The following KCNQ1 variants were observed in gnomAD, a reference collection of about 807,000 sequenced individuals.
The protein encoded by KCNQ1 is potassium voltage-gated channel subfamily Q member 1.
A neutral mutation model predicts 72.4 loss-of-function variants in KCNQ1; 49 were observed. The ratio of observed to expected loss-of-function variants is 0.68; its 90% CI spans 0.54 to 0.86. The LOEUF (loss-of-function observed/expected upper bound fraction) is 0.86. Ranked by LOEUF, KCNQ1 falls within the 40% of genes least tolerant of loss-of-function variation. The probability of loss-of-function intolerance (pLI) is 0.00; values close to 1 mark genes in which losing one functional copy is unlikely to be tolerated. For missense variants in KCNQ1, 790 were observed against 945.1 expected, an observed-to-expected ratio of 0.84 and a Z score of 2.15; for synonymous variants, 450 against 412.6, an observed-to-expected ratio of 1.09 and a Z score of -1.10.
intron 7 of KCNQ1, among the ~76,000 whole-genome samples, chr11:2,583,796 G>A (rs1409018038): frequency 3.9e-5 from 6 of 152,330 alleles, no homozygotes; most frequent in Non-Finnish European, 5.9e-5. Flanking sequence ...GTGCATGGGC[G>A]CAGTGTGGGG....
chr11:2,696,533 T>C (rs1850679860), intron 11 of KCNQ1: 3 of 398,550 alleles, frequency 7.5e-6, no homozygotes, highest in South Asian at 2.5e-4. Context: ...AAAAGTTCAG[T>C]TGGCATTTAC....
Position 2,515,074 on chromosome 11 carries a change from C to G in KCNQ1, c.387-12854C>G, listed in dbSNP as rs908736309. Among the ~76,000 whole-genome samples, 1 of 152,160 alleles carries G rather than the reference C, an allele frequency of 6.6e-6. No individual in the cohort carries two copies. Among genetic ancestry groups the G allele is most frequent in the Non-Finnish European group, 1.5e-5 (1 of 68,030 alleles). ...AGATTTGAGGAGTACACATACTTGT[C>G]TGTTACGTGCGTAATGGTGGGGTTT... On this transcript the variant is annotated intron_variant, in intron 1 of 15. Transcript: ENST00000155840. The surrounding 1 kb of genome is among the most constrained non-coding windows in gnomAD (Gnocchi z 4.7).
intron 11 of KCNQ1, among the ~76,000 whole-genome samples, chr11:2,732,978 G>T (rs900146815): frequency 1.3e-5 from 2 of 152,138 alleles, no homozygotes; most frequent in Non-Finnish European, 2.9e-5. Flanking sequence ...ACCACCCACA[G>T]GCAGCAAGCC....
chr11:2,511,606 C>T (rs1010423825), intron 1 of KCNQ1, among the ~76,000 whole-genome samples: 8 of 152,140 alleles, frequency 5.3e-5, no homozygotes, highest in East Asian at 1.9e-4. Context: ...TCCTGTTGGG[C>T]GGGACTGAGG....
chr11:2,656,621 A>C (rs1264301806), intron 10 of KCNQ1: 1 of 398,470 alleles, frequency 2.5e-6, no homozygotes, highest in Non-Finnish European at 4.4e-6. Flanking sequence ...TTTTCTATTA[A>C]GTCATTTATA....
chr11:2,574,151 C>T (rs1564821592), intron 6 of KCNQ1, among the ~76,000 whole-genome samples: 1 of 152,192 alleles, frequency 6.6e-6, no homozygotes, highest in Non-Finnish European at 1.5e-5. Flanking sequence ...ATGACTCCAT[C>T]CCATCTCCCC....
chr11:2,695,460 G>A lies in KCNQ1; in HGVS notation c.1514+33379G>A, dbSNP rs1850657927. The A allele has an allele frequency of 2.5e-6, 1 of 398,480 alleles. No individual in the cohort carries two copies. The highest frequency in any genetic ancestry group is 2.1e-5 in the African/African-American group (1 of 48,592). The allele number at this position is 398,480 out of a possible 1,614,324, so 24.7% of individuals were successfully genotyped here. A position where few individuals can be genotyped will look rare whatever the true frequency, so the allele number is the denominator to read the frequency against. ...TGGCATTTGTGTCACTCAGCACTGT[G>A]TTTCCACGCGTCTCTATCTTGTGAA... is the stretch of plus-strand genomic sequence containing the variant. On this transcript the variant is annotated intron_variant, in intron 11 of 15. Transcript: ENST00000155840. The surrounding 1 kb of genome is among the most constrained non-coding windows in gnomAD (Gnocchi z 5.2).
chr11:2,757,556 G>C (rs1302903696), intron 11 of KCNQ1, among the ~76,000 whole-genome samples: 3 of 152,162 alleles, frequency 2.0e-5, no homozygotes, highest in Non-Finnish European at 2.9e-5. Context: ...GATTTCTTAT[G>C]GACATGGACA....
At position 2,593,826 on chromosome 11, in the gene KCNQ1, C is replaced by T. The variant is rs1191902146; in HGVS notation, c.1393+4972C>T. Among the ~76,000 whole-genome samples, 5 of 152,126 alleles carry T rather than the reference C, an allele frequency of 3.3e-5. No individual in the cohort carries two copies. Among genetic ancestry groups the T allele is most frequent in the South Asian group, 4.1e-4 (2 of 4,828 alleles). ...TTTCATGCACTCCTCCATTCAAAGC[C>T]GTGTGTTCTGATTGTGCACTTTTGG... On this transcript the variant is annotated intron_variant, in intron 10 of 15. Coordinates refer to ENST00000155840, the MANE Select transcript of KCNQ1 (RefSeq NM_000218.3). This position sits in a 1 kb window ranked among gnomAD's most constrained non-coding sequence, Gnocchi z 6.9.
chr11:2,833,500 C>T (rs532642822), intron 15 of KCNQ1, among the ~76,000 whole-genome samples: 346 of 152,348 alleles, frequency 2.3e-3, no homozygotes, highest in Non-Finnish European at 3.5e-3. Flanking sequence ...GCCCCAGGCA[C>T]GTGGACCTGG....
chr11:2,579,028 T>A lies in KCNQ1; in HGVS notation c.922-4407T>A, dbSNP rs1357263543. Among the ~76,000 whole-genome samples the A allele has an allele frequency of 6.6e-6, 1 of 152,164 alleles. No individual in the cohort carries two copies. The highest frequency in any genetic ancestry group is 2.4e-5 in the African/African-American group (1 of 41,442). ...CCCTCCTCCCGCTCTTGACCACCCC[T>A]TCCTCTGGACAGACGACCACCACAT... is the stretch of plus-strand genomic sequence containing the variant. On this transcript the variant is annotated intron_variant, in intron 6 of 15. Coordinates refer to ENST00000155840, the MANE Select transcript of KCNQ1 (RefSeq NM_000218.3). This position sits in a 1 kb window ranked among gnomAD's most constrained non-coding sequence, Gnocchi z 6.0.
At position 2,663,989 on chromosome 11, in the gene KCNQ1, C is replaced by A. The variant is rs1035969358; in HGVS notation, c.1514+1908C>A. 2.0e-5 allele frequency: 8 copies of A among 398,606 alleles called. No homozygotes were observed. Among genetic ancestry groups the A allele is most frequent in the African/African-American group, 1.2e-4 (6 of 48,640 alleles). The allele number at this position is 398,606 out of a possible 1,614,324, so 24.7% of individuals were successfully genotyped here. A position where few individuals can be genotyped will look rare whatever the true frequency, so the allele number is the denominator to read the frequency against. On this transcript the variant is annotated intron_variant, in intron 11 of 15. Transcript: ENST00000155840. The surrounding 1 kb of genome is among the most constrained non-coding windows in gnomAD (Gnocchi z 5.2). ...GAACATCCATCCCCAAGCTCTCTGC[C>A]CACTTTGGGTCTGGCACATTACCAT...
At position 2,514,583 on chromosome 11, in the gene KCNQ1, G is replaced by C. The variant is rs190159360; in HGVS notation, c.387-13345G>C. On this transcript the variant is annotated intron_variant, in intron 1 of 15. Transcript: ENST00000155840. ...GCGGTGGCTCACGCCTGTAATCCCAGCACTTTGGGAGGCCAAGGGGATCAC... is the reference window on the plus strand; with the variant it reads ...GCGGTGGCTCACGCCTGTAATCCCACCACTTTGGGAGGCCAAGGGGATCAC... 3.8e-3 allele frequency among the ~76,000 whole-genome samples: 575 copies of C among 152,340 alleles called. 3 individuals are homozygous for C. The highest frequency in any genetic ancestry group is 6.8e-3 in the Middle Eastern group (2 of 294).
Position 2,618,000 on chromosome 11 carries a change from T to C in KCNQ1, c.1393+29146T>C, listed in dbSNP as rs909114813. 5 of 398,482 alleles carry C rather than the reference T, an allele frequency of 1.3e-5. No individual in the cohort carries two copies. Among genetic ancestry groups the C allele is most frequent in the African/African-American group, 1.0e-4 (5 of 48,626 alleles). 24.7% of individuals were successfully genotyped at this position (398,482 alleles called of 1,614,324 possible). On this transcript the variant is annotated intron_variant, in intron 10 of 15. Coordinates refer to ENST00000155840, the MANE Select transcript of KCNQ1 (RefSeq NM_000218.3). The surrounding 1 kb of genome is among the most constrained non-coding windows in gnomAD (Gnocchi z 4.6). Reference sequence around the variant, plus strand: ...TCCATAGGTTGCCTTTTCCTTTTGTTGACTGTTTCCGTTCCTGTGCAGAAG... The same window carrying C: ...TCCATAGGTTGCCTTTTCCTTTTGTCGACTGTTTCCGTTCCTGTGCAGAAG...
rs1370513705 is a variant in KCNQ1, at chr11:2,826,451, C to G, written c.1795-21316C>G. Among the ~76,000 whole-genome samples, 1 of 152,250 alleles carries G rather than the reference C, an allele frequency of 6.6e-6. No homozygotes were observed. The highest frequency in any genetic ancestry group is 6.5e-5 in the Admixed American group (1 of 15,290). On this transcript the variant is annotated intron_variant, in intron 15 of 15. Transcript: ENST00000155840. The surrounding 1 kb of genome is among the most constrained non-coding windows in gnomAD (Gnocchi z 4.2). Reference sequence around the variant, plus strand: ...GCTGATGGAAACCGCCGTGCGGTTCCGCGCAGACAGTCACGGAAACTCAGG... The same window carrying G: ...GCTGATGGAAACCGCCGTGCGGTTCGGCGCAGACAGTCACGGAAACTCAGG...
In KCNQ1 at chr11:2,621,135, A is replaced by G. The variant is rs1020848498; in HGVS notation, c.1393+32281A>G. 27 of 396,114 alleles carry G rather than the reference A, an allele frequency of 6.8e-5. No individual in the cohort carries two copies. The highest frequency in any genetic ancestry group is 4.3e-4 in the South Asian group (3 of 6,992). 24.5% of individuals were successfully genotyped at this position (396,114 alleles called of 1,614,324 possible). On this transcript the variant is annotated intron_variant, in intron 10 of 15. Transcript: ENST00000155840. This position sits in a 1 kb window ranked among gnomAD's most constrained non-coding sequence, Gnocchi z 5.7. Reference sequence around the variant, plus strand: ...TGGGATTACAGGTGACCGCCACCATACCTGGCTAATTTTTGTGTTTTTAGT... The same window carrying G: ...TGGGATTACAGGTGACCGCCACCATGCCTGGCTAATTTTTGTGTTTTTAGT...
Position 2,598,095 on chromosome 11 carries a change from C to A in KCNQ1, c.1393+9241C>A, listed in dbSNP as rs1035500795. Among the ~76,000 whole-genome samples, 27 of 152,032 alleles carry A rather than the reference C, an allele frequency of 1.8e-4. No individual in the cohort carries two copies. The highest frequency in any genetic ancestry group is 1.3e-4 in the Admixed American group (2 of 15,282). Reference sequence around the variant, plus strand: ...ATAGCTATTAATTCCCTTTTCTTGGCTAACTCTATTTTTGTTTTCTTTTAC... The same window carrying A: ...ATAGCTATTAATTCCCTTTTCTTGGATAACTCTATTTTTGTTTTCTTTTAC... On this transcript the variant is annotated intron_variant, in intron 10 of 15. Coordinates refer to ENST00000155840, the MANE Select transcript of KCNQ1 (RefSeq NM_000218.3). This position sits in a 1 kb window ranked among gnomAD's most constrained non-coding sequence, Gnocchi z 6.2.
chr11:2,526,719 G>T lies in KCNQ1; in HGVS notation c.387-1209G>T, dbSNP rs550579638. On this transcript the variant is annotated intron_variant, in intron 1 of 15. Transcript: ENST00000155840. The surrounding 1 kb of genome is among the most constrained non-coding windows in gnomAD (Gnocchi z 6.1). ...CACATCTGGACAGGTGGAAGAGGAT[G>T]GGTTCTGGGTGGGGCTGACTTCAGG... is the stretch of plus-strand genomic sequence containing the variant. Among the ~76,000 whole-genome samples the T allele has an allele frequency of 5.5e-4, 84 of 152,218 alleles. No homozygotes were observed. Among genetic ancestry groups the T allele is most frequent in the Non-Finnish European group, 9.4e-4 (64 of 67,992 alleles).
At position 2,623,630 on chromosome 11, in the gene KCNQ1, T is replaced by G. The variant is rs548620957; in HGVS notation, c.1393+34776T>G. ...TTTCTATTTAGTGATGAATAATATTTCATTGCCTGGATGTACTACAGTTTA... is the reference window on the plus strand; with the variant it reads ...TTTCTATTTAGTGATGAATAATATTGCATTGCCTGGATGTACTACAGTTTA... On this transcript the variant is annotated intron_variant, in intron 10 of 15. Coordinates refer to ENST00000155840, the MANE Select transcript of KCNQ1 (RefSeq NM_000218.3). This position sits in a 1 kb window ranked among gnomAD's most constrained non-coding sequence, Gnocchi z 5.2. 2 of 398,608 alleles carry G rather than the reference T, an allele frequency of 5.0e-6. No homozygotes were observed. Among genetic ancestry groups the G allele is most frequent in the East Asian group, 7.1e-5 (2 of 28,062 alleles). 24.7% of individuals were successfully genotyped at this position (398,608 alleles called of 1,614,324 possible). A position where few individuals can be genotyped will look rare whatever the true frequency, so the allele number is the denominator to read the frequency against.
Sources: gnomAD v4.1 joint callset for allele counts (sites outside exome capture counted in the v4.1 genomes callset) on GRCh38, gnomAD v4.1.1 for gene constraint, Gnocchi (gnomAD v3.1) non-coding constraint, MANE v1.5 for transcripts, NCBI Gene and HGNC (gene_info 2026-07-23, HGNC 2026-07-21) for gene names.